Variants in TMEM132C observed in about 807,000 individuals in gnomAD.
TMEM132C encodes the protein protein phosphatase 1, regulatory subunit 152.
Under a neutral mutation model 61.4 loss-of-function variants are expected in TMEM132C, and 29 were observed. That is an observed-to-expected ratio of 0.47 (90% confidence interval 0.35 to 0.64). The LOEUF is 0.64. Ranked by LOEUF, TMEM132C falls within the 30% of genes least tolerant of loss-of-function variation. The pLI, the probability that TMEM132C is intolerant of heterozygous loss-of-function variation, is 0.00. For synonymous variants in TMEM132C, 656 were observed against 633.1 expected, an observed-to-expected ratio of 1.04 and a Z score of -0.54; for missense variants, 1,408 against 1,476.9, an observed-to-expected ratio of 0.95 and a Z score of 0.76.
intron 1 of TMEM132C, among the ~76,000 whole-genome samples, chr12:128,271,763 A>C (rs540173410): frequency 1.2e-4 from 18 of 152,320 alleles, no homozygotes; most frequent in African/African-American, 4.1e-4. Flanking sequence ...CAGTTAGCTT[A>C]ATCACCAGGG....
intron 4 of TMEM132C, among the ~76,000 whole-genome samples, chr12:128,647,647 G>A (rs1248962606): frequency 2.7e-5 from 4 of 148,722 alleles, no homozygotes; most frequent in South Asian, 2.1e-4. Context: ...TGCCATCAAC[G>A]TTAAATATGA....
intron 1 of TMEM132C, among the ~76,000 whole-genome samples, chr12:128,382,851 T>C (rs1874446933): frequency 2.0e-5 from 3 of 152,348 alleles, no homozygotes; most frequent in Admixed American, 6.5e-5. Flanking sequence ...TGAGTATGTA[T>C]GTGTATCTGA....
At chr12:128,557,706 C>CCA (rs556658866) in intron 3 of TMEM132C, among the ~76,000 whole-genome samples, 101 of 152,368 alleles carry the variant, frequency 6.6e-4, no homozygotes, top group African/African-American at 2.4e-3. Context: ...CAAAGTTCAT[C>CCA]CACTTTGGAA....
At chr12:128,675,438 T>C (rs971030917) in intron 5 of TMEM132C, among the ~76,000 whole-genome samples, 3 of 152,222 alleles carry the variant, frequency 2.0e-5, no homozygotes, top group African/African-American at 7.2e-5. Flanking sequence ...CCAAAAGCTC[T>C]TGACCATTAG....
At chr12:128,299,648 C>T (rs892547698) in intron 1 of TMEM132C, among the ~76,000 whole-genome samples, 1 of 152,114 alleles carries the variant, frequency 6.6e-6, no homozygotes, top group Non-Finnish European at 1.5e-5. Context: ...GATTGTTTTT[C>T]GTATAGAGAG....
At chr12:128,527,682 C>T (rs560990185) in intron 2 of TMEM132C, among the ~76,000 whole-genome samples, 24 of 147,888 alleles carry the variant, frequency 1.6e-4, no homozygotes, top group African/African-American at 5.0e-4. Flanking sequence ...TGTATGTGAA[C>T]GTGCATGTAC....
chr12:128,412,905 T>C (rs916607686), intron 1 of TMEM132C, among the ~76,000 whole-genome samples: 5 of 152,204 alleles, frequency 3.3e-5, no homozygotes, highest in African/African-American at 9.7e-5. Context: ...CCTTTTCTTA[T>C]TGCAGTTCAT....
chr12:128,591,895 T>C (rs1875763132), intron 3 of TMEM132C, among the ~76,000 whole-genome samples: 1 of 151,510 alleles, frequency 6.6e-6, no homozygotes, highest in Non-Finnish European at 1.5e-5. Flanking sequence ...CTACTAAAAA[T>C]ACAAAAATTA....
chr12:128,276,551 TCTC>T (rs1436803917), intron 1 of TMEM132C, among the ~76,000 whole-genome samples: 1 of 152,144 alleles, frequency 6.6e-6, no homozygotes. Flanking sequence ...AAGCTTCCCT[TCTC>T]CTTCTGAGTT....
intron 3 of TMEM132C, among the ~76,000 whole-genome samples, chr12:128,597,058 A>C (rs1390882597): frequency 1.3e-5 from 2 of 151,998 alleles, no homozygotes; most frequent in African/African-American, 2.4e-5. Flanking sequence ...CCTTCTCTCC[A>C]CCTTTTCCTC....
intron 2 of TMEM132C, among the ~76,000 whole-genome samples, chr12:128,474,990 A>T (rs972935448): frequency 6.6e-6 from 1 of 152,034 alleles, no homozygotes; most frequent in African/African-American, 2.4e-5. Context: ...TTACCTAACG[A>T]CTTCTCCCCG....
intron 3 of TMEM132C, among the ~76,000 whole-genome samples, chr12:128,599,257 C>T (rs1391634648): frequency 6.6e-6 from 1 of 152,224 alleles, no homozygotes; most frequent in Non-Finnish European, 1.5e-5. Flanking sequence ...GGTTACCTAA[C>T]TTGTCTGCTC....
Position 128,623,265 on chromosome 12 carries a change from G to T in TMEM132C, c.1305+6930G>T, listed in dbSNP as rs1953983989. Among the ~76,000 whole-genome samples the T allele has an allele frequency of 2.0e-5, 3 of 152,120 alleles. 1 individual carries two copies. The South Asian group carries it at 6.2e-4, about 32-fold the overall frequency. On this transcript the variant is annotated intron_variant, in intron 4 of 8. Coordinates refer to ENST00000435159, the MANE Select transcript of TMEM132C (RefSeq NM_001136103.3). ...CCCTATCAGTAAAAGGAAAGTGGGG[G>T]ACTGAGGGCTAGCACTGGCCTTTCC...
intron 1 of TMEM132C, among the ~76,000 whole-genome samples, chr12:128,303,611 A>G (rs1871667376): frequency 6.6e-6 from 1 of 152,244 alleles, no homozygotes; most frequent in African/African-American, 2.4e-5. Flanking sequence ...CTTAGGCATC[A>G]GGAGAAGTTT....
At chr12:128,623,008 G>T (rs913078540) in intron 4 of TMEM132C, among the ~76,000 whole-genome samples, 1 of 152,134 alleles carries the variant, frequency 6.6e-6, no homozygotes, top group Non-Finnish European at 1.5e-5. Context: ...TTTGCTTTGG[G>T]ATTAGGTTTA....
intron 4 of TMEM132C, among the ~76,000 whole-genome samples, chr12:128,649,886 T>C (rs1388793358): frequency 6.6e-6 from 1 of 152,220 alleles, no homozygotes; most frequent in Non-Finnish European, 1.5e-5. Flanking sequence ...TAGAAGCAAA[T>C]TGACAGATAA....
At chr12:128,616,420 C>A in intron 4 of TMEM132C, 85 bp downstream of exon 4, 1 of 1,342,498 alleles carries the variant, frequency 7.4e-7, no homozygotes, top group Non-Finnish European at 1.0e-6. Context: ...GGGATGTTTG[C>A]TACAATGATT....
intron 1 of TMEM132C, among the ~76,000 whole-genome samples, chr12:128,395,960 C>T (rs1874937357): frequency 6.6e-6 from 1 of 152,158 alleles, no homozygotes; most frequent in South Asian, 2.1e-4. Context: ...TAATTTGTTT[C>T]TCCTGGAACT....
At chr12:128,420,986 G>T (rs1256016163) in intron 2 of TMEM132C, among the ~76,000 whole-genome samples, 1 of 152,146 alleles carries the variant, frequency 6.6e-6, no homozygotes, top group Admixed American at 6.5e-5. Context: ...CTGAAGTTTG[G>T]GAACCAACAC....
Sources: gnomAD v4.1 joint callset for allele counts (sites outside exome capture counted in the v4.1 genomes callset) on GRCh38, gnomAD v4.1.1 for gene constraint, MANE v1.5 for transcripts, NCBI Gene and HGNC (gene_info 2026-07-23, HGNC 2026-07-21) for gene names.